The following MEGF6 variants were observed in gnomAD, a reference collection of about 807,000 sequenced individuals.
The protein encoded by MEGF6 is multiple epidermal growth factor-like domains protein 6.
In MEGF6, 184 loss-of-function variants were observed where a neutral mutation model predicts 207.1. The observed-to-expected ratio is 0.89, with a 90% CI of 0.79 to 1.00. The LOEUF (loss-of-function observed/expected upper bound fraction) is 1.00. MEGF6 is among the 50% of genes least tolerant of loss of function. MEGF6 has a pLI of 0.00. For synonymous variants in MEGF6, 1,038 were observed against 910.0 expected (o/e 1.14, Z -2.53); for missense variants, 2,282 against 2,202.9 (o/e 1.04, Z -0.72).
intron 4 of MEGF6, among the ~76,000 whole-genome samples, chr1:3,545,058 G>A (rs929267475): frequency 1.3e-4 from 20 of 152,212 alleles, no homozygotes; most frequent in African/African-American, 3.4e-4. Flanking sequence ...ATGGCTTGGC[G>A]GCGGGGCCAG....
At chr1:3,498,562 C>T in intron 25 of MEGF6, 63 bp from the exon 26 acceptor site, 5 of 1,501,156 alleles carry the variant, frequency 3.3e-6, no homozygotes, top group Non-Finnish European at 4.5e-6. Flanking sequence ...GAGACCCTGA[C>T]CCATGCTTCC....
intron 2 of MEGF6, among the ~76,000 whole-genome samples, chr1:3,601,421 A>G (rs2101876935): frequency 6.6e-6 from 1 of 152,342 alleles, no homozygotes; most frequent in South Asian, 2.1e-4. Context: ...TGGGGAAAAC[A>G]ATGAGAGGAG....
rs1274055758 is a variant in MEGF6 at position 3,573,119 on chromosome 1, C to A, written c.481+6706G>T. Among the ~76,000 whole-genome samples the A allele has an allele frequency of 6.7e-6, 1 of 150,246 alleles. No homozygotes were observed. The highest frequency in any genetic ancestry group is 2.5e-5 in the African/African-American group (1 of 40,640). On this transcript the variant is annotated intron_variant, in intron 4 of 36. Transcript: ENST00000356575. The surrounding 1 kb of genome is among the most constrained non-coding windows in gnomAD (Gnocchi z 5.1). The stretch of plus-strand genomic sequence containing the variant: ...GTCCTTCCTGGTATGCTGGGTCCTC[C>A]TGTGTGTGCTGGGTCCTCCCTGGTG...
chr1:3,564,154 G>A (rs1207768696), intron 4 of MEGF6, among the ~76,000 whole-genome samples: 2 of 136,344 alleles, frequency 1.5e-5, no homozygotes, highest in African/African-American at 2.7e-5. Context: ...ATAGGGCGAG[G>A]AACTGGGTCA....
intron 4 of MEGF6, among the ~76,000 whole-genome samples, chr1:3,552,705 A>G (rs1486670361): frequency 6.6e-6 from 1 of 152,192 alleles, no homozygotes; most frequent in African/African-American, 2.4e-5. Context: ...CTCTAAAAAA[A>G]GAAAAGAAAC....
intron 5 of MEGF6, 138 bp from the exon 6 acceptor site, chr1:3,515,665 C>T (rs79960955): frequency 1.7e-4 from 176 of 1,052,604 alleles, no homozygotes; most frequent in South Asian, 3.1e-4. Context: ...CGAGCCCCTC[C>T]GCCTTTTCAT....
chr1:3,612,379 A>G (rs2101922481), upstream of MEGF6, among the ~76,000 whole-genome samples: 1 of 151,314 alleles, frequency 6.6e-6, no homozygotes, highest in South Asian at 2.1e-4. Flanking sequence ...CTGCGAAGCA[A>G]GATTCACTTG....
At chr1:3,566,664 C>A (rs1253581760) in intron 4 of MEGF6, among the ~76,000 whole-genome samples, 1 of 152,226 alleles carries the variant, frequency 6.6e-6, no homozygotes, top group Admixed American at 6.5e-5. Context: ...CTATGAGCCC[C>A]CCGGCGCCCC....
intron 9 of MEGF6, among the ~76,000 whole-genome samples, chr1:3,511,310 G>A (rs1641336869): frequency 6.6e-6 from 1 of 152,188 alleles, no homozygotes; most frequent in Admixed American, 6.5e-5. Context: ...TGGGGCTAAG[G>A]GGGTGCCGTG....
intron 1 of MEGF6, 112 bp from the exon 2 acceptor site, chr1:3,602,712 C>G: frequency 7.0e-7 from 1 of 1,421,158 alleles, no homozygotes; most frequent in Non-Finnish European, 9.3e-7. Context: ...GGTCCAGACC[C>G]GTGGCCAGGC....
chr1:3,508,888 C>T (rs545194987), intron 12 of MEGF6, among the ~76,000 whole-genome samples, 187 bp downstream of exon 12: 12 of 152,314 alleles, frequency 7.9e-5, no homozygotes, highest in East Asian at 5.8e-4. Context: ...CGGTCCCGCC[C>T]GGCTCAGCCC....
chr1:3,559,738 A>G (rs981533412), intron 4 of MEGF6, among the ~76,000 whole-genome samples: 1 of 152,102 alleles, frequency 6.6e-6, no homozygotes, highest in African/African-American at 2.4e-5. Context: ...CCGGCCGGGT[A>G]CGGTGGCTCA....
At chr1:3,558,140 C>G (rs1643090261) in intron 4 of MEGF6, among the ~76,000 whole-genome samples, 1 of 152,174 alleles carries the variant, frequency 6.6e-6, no homozygotes, top group African/African-American at 2.4e-5. Context: ...ACACACATCA[C>G]CCAGCTCTCC....
intron 3 of MEGF6, among the ~76,000 whole-genome samples, chr1:3,582,671 A>G (rs961096432): frequency 5.9e-5 from 9 of 151,896 alleles, no homozygotes; most frequent in African/African-American, 2.2e-4. Context: ...GATCCTCCCT[A>G]TTAGACCCCC....
At chr1:3,622,008 T>C in the MEGF6 span, among the ~76,000 whole-genome samples, 5 of 152,250 alleles carry the variant, frequency 3.3e-5, no homozygotes, top group African/African-American at 1.2e-4. Context: ...TACAGGTTCA[T>C]AGGCAGAAGG....
At chr1:3,520,045 A>T (rs1641685915) in intron 5 of MEGF6, among the ~76,000 whole-genome samples, 1 of 152,236 alleles carries the variant, frequency 6.6e-6, no homozygotes, top group African/African-American at 2.4e-5. Context: ...CAAAGGCCTG[A>T]TGGGCATGGG....
chr1:3,552,846 G>A (rs1642927871), intron 4 of MEGF6, among the ~76,000 whole-genome samples: 1 of 151,962 alleles, frequency 6.6e-6, no homozygotes, highest in Admixed American at 6.5e-5. Context: ...TCCAAGCCCA[G>A]CTGGGTCTTC....
intron 5 of MEGF6, 32 bp from the exon 6 acceptor site, chr1:3,515,559 C>A: frequency 6.3e-7 from 1 of 1,599,014 alleles, no homozygotes; most frequent in South Asian, 1.1e-5. Flanking sequence ...CAAGTCAGCC[C>A]AAGAGGATGC....
intron 4 of MEGF6, among the ~76,000 whole-genome samples, chr1:3,577,205 C>A (rs574660574): frequency 6.6e-6 from 1 of 152,340 alleles, no homozygotes; most frequent in Admixed American, 6.5e-5. Context: ...TTGTCAACTG[C>A]CCCCTGTGAA....
Sources: gnomAD v4.1 joint callset for allele counts (sites outside exome capture counted in the v4.1 genomes callset) on GRCh38, gnomAD v4.1.1 for gene constraint, Gnocchi (gnomAD v3.1) non-coding constraint, MANE v1.5 for transcripts, NCBI Gene and HGNC (gene_info 2026-07-23, HGNC 2026-07-21) for gene names.